SCLT1: variants seen among roughly 807,000 people sequenced by gnomAD.
SCLT1 encodes the protein sodium channel-associated protein 1.
In SCLT1, 78 loss-of-function variants were observed where a neutral mutation model predicts 112.8. The observed-to-expected ratio is 0.69, with a 90% CI of 0.58 to 0.83. The LOEUF is 0.83. Ranked by LOEUF, SCLT1 falls within the 40% of genes least tolerant of loss-of-function variation. The pLI is 0.00. For synonymous variants in SCLT1, 257 were observed against 254.7 expected (o/e 1.01, Z -0.09); for missense variants, 747 against 770.4 (o/e 0.97, Z 0.36).
chr4:129,039,895 C>CGT (rs1553994916), intron 4 of SCLT1: 5 of 203,206 alleles, frequency 2.5e-5, no homozygotes, highest in East Asian at 1.9e-4. Context: ...AGAGTGTGCG[C>CGT]GCGCGCACAC....
intron 18 of SCLT1, among the ~76,000 whole-genome samples, chr4:128,912,711 CCCTCCTCCTCTTCG>C (rs965335028): frequency 2.6e-4 from 39 of 151,830 alleles, no homozygotes; most frequent in South Asian, 6.3e-4. Context: ...CCTCCTCTTC[CCCTCCTCCTCTTCG>C]CCCTCCTCCT....
intron 18 of SCLT1, among the ~76,000 whole-genome samples, chr4:128,919,771 C>T (rs1350219901): frequency 6.6e-6 from 1 of 151,128 alleles, no homozygotes; most frequent in Non-Finnish European, 1.5e-5. Context: ...CTACTATGAA[C>T]ATCTCTATGC....
At chr4:129,043,356 A>G in intron 4 of SCLT1, 39 bp downstream of exon 4, 1 of 1,033,836 alleles carries the variant, frequency 9.7e-7, no homozygotes, top group Non-Finnish European at 1.5e-6. Context: ...TATTTTCATA[A>G]TAAAATATTA....
At chr4:129,045,417 A>C (rs1579828557) in intron 2 of SCLT1, among the ~76,000 whole-genome samples, 1 of 152,110 alleles carries the variant, frequency 6.6e-6, no homozygotes, top group African/African-American at 2.4e-5. Context: ...CATGACCAGA[A>C]ATTTTGTATC....
Position 129,043,471 on chromosome 4 carries a change from A to C in SCLT1, c.162-4T>G, listed in dbSNP as rs1403075622. 1.2e-5 allele frequency: 16 copies of C among 1,375,990 alleles called. No individual in the cohort carries two copies. Among genetic ancestry groups the C allele is most frequent in the Non-Finnish European group, 1.5e-5 (15 of 982,570 alleles). The allele number at this position is 1,375,990 out of a possible 1,614,324, so 85.2% of individuals were successfully genotyped here. A position where few individuals can be genotyped will look rare whatever the true frequency, so the allele number is the denominator to read the frequency against. On this transcript the variant is annotated splice_region_variant and splice_polypyrimidine_tract_variant and intron_variant, in intron 3 of 20. Coordinates refer to ENST00000281142, the MANE Select transcript of SCLT1 (RefSeq NM_144643.4). ...AGTAACAAGAGGAGCTAAAAAGCTA[A>C]AAAAAGACAATAAAAATATAGCATA...
chr4:129,055,944 G>C (rs1259189646), intron 2 of SCLT1, among the ~76,000 whole-genome samples: 3 of 152,180 alleles, frequency 2.0e-5, no homozygotes, highest in Non-Finnish European at 4.4e-5. Context: ...GGCAACAAGG[G>C]AATCTCCTGA....
chr4:129,000,365 A>T (rs1372041323), intron 6 of SCLT1, among the ~76,000 whole-genome samples: 1 of 151,990 alleles, frequency 6.6e-6, no homozygotes, highest in African/African-American at 2.4e-5. Context: ...AATTAGGGAC[A>T]ATATAGTGGG....
rs150055000 is a variant in SCLT1 at position 129,071,569 on chromosome 4, G to GT, written c.102+10736dup. 8.7e-3 allele frequency among the ~76,000 whole-genome samples: 1,319 copies of GT among 151,854 alleles called. 15 individuals are homozygous for GT. The highest frequency in any genetic ancestry group is 0.025 in the African/African-American group (1,033 of 41,408). On this transcript the variant is annotated intron_variant, in intron 2 of 20. Transcript: ENST00000281142. ...CTCTTTTAACTGCTGTTGCTTTAAA[G>GT]TTTTTTTTGTTTTTTGTTTTTTGTT...
At chr4:129,091,704 T>C (rs1752836771) in intron 1 of SCLT1, among the ~76,000 whole-genome samples, 1 of 152,210 alleles carries the variant, frequency 6.6e-6, no homozygotes, top group Admixed American at 6.5e-5. Flanking sequence ...CCAGACACTA[T>C]GCTCAATGCT....
chr4:128,939,420 C>G lies in SCLT1; in HGVS notation c.1633-2569G>C, dbSNP rs956035262. Reference sequence around the variant, plus strand: ...AATTCGAATTACTACCTAAATTGGACAGGTCTGTGGTAATGCTGACAGGCT... The same window carrying G: ...AATTCGAATTACTACCTAAATTGGAGAGGTCTGTGGTAATGCTGACAGGCT... On this transcript the variant is annotated intron_variant, in intron 17 of 20. Transcript: ENST00000281142. Among the ~76,000 whole-genome samples, 3 of 152,258 alleles carry G rather than the reference C, an allele frequency of 2.0e-5. No individual in the cohort carries two copies. In the East Asian group the frequency reaches 5.8e-4, roughly 29 times the overall value.
chr4:128,965,055 TG>T (rs974435230), intron 11 of SCLT1, among the ~76,000 whole-genome samples, 171 bp downstream of exon 11: 1 of 152,182 alleles, frequency 6.6e-6, no homozygotes, highest in Non-Finnish European at 1.5e-5. Flanking sequence ...AGCAATCTGT[TG>T]AATATAGTTT....
chr4:128,996,508 G>T (rs750721637), intron 8 of SCLT1, among the ~76,000 whole-genome samples: 15 of 151,886 alleles, frequency 9.9e-5, no homozygotes, highest in Non-Finnish European at 1.9e-4. Context: ...ACTCATACTT[G>T]CCCCCATAAC....
At chr4:128,973,796 A>T (rs1296274463) in intron 9 of SCLT1, among the ~76,000 whole-genome samples, 1 of 152,202 alleles carries the variant, frequency 6.6e-6, no homozygotes, top group Non-Finnish European at 1.5e-5. Flanking sequence ...ATGTTCACTA[A>T]ACCACAAATA....
intron 15 of SCLT1, among the ~76,000 whole-genome samples, chr4:128,946,844 C>T (rs946043161): frequency 1.3e-5 from 2 of 152,166 alleles, no homozygotes. Flanking sequence ...TGGGGCTTCC[C>T]CCTTCCTCGG....
chr4:128,932,953 C>T (rs1335678101), intron 18 of SCLT1, among the ~76,000 whole-genome samples: 1 of 152,126 alleles, frequency 6.6e-6, no homozygotes, highest in Non-Finnish European at 1.5e-5. Context: ...TTTAAGAAGG[C>T]ACAAATAATT....
chr4:128,994,366 G>T (rs1742828134), intron 8 of SCLT1, among the ~76,000 whole-genome samples: 1 of 151,950 alleles, frequency 6.6e-6, no homozygotes, highest in African/African-American at 2.4e-5. Flanking sequence ...CTTTTTAAAG[G>T]CTGAATAGCA....
At chr4:129,045,192 C>T (rs1009757778) in intron 2 of SCLT1, among the ~76,000 whole-genome samples, 1 of 151,908 alleles carries the variant, frequency 6.6e-6, no homozygotes, top group Non-Finnish European at 1.5e-5. Context: ...GCTTTCTTAA[C>T]GTCACAAATG....
At chr4:128,897,756 G>T (rs190762592) in intron 18 of SCLT1, among the ~76,000 whole-genome samples, 2,260 of 152,280 alleles carry the variant, frequency 0.015, 53 homozygotes, top group African/African-American at 0.051. Flanking sequence ...AGACACATCA[G>T]TGTGCTGTAT....
chr4:128,917,616 T>G (rs1466703786), intron 18 of SCLT1, among the ~76,000 whole-genome samples: 2 of 152,136 alleles, frequency 1.3e-5, no homozygotes, highest in Non-Finnish European at 2.9e-5. Context: ...TATGTTTGGA[T>G]CTAGTAAAGG....
Sources: allele counts gnomAD v4.1 joint callset (sites outside exome capture counted in the v4.1 genomes callset), GRCh38; gene constraint gnomAD v4.1.1; transcripts MANE v1.5; gene names NCBI Gene and HGNC (gene_info 2026-07-23, HGNC 2026-07-21).